The following LRBA variants were observed in gnomAD, a reference collection of about 807,000 sequenced individuals.
LRBA encodes lipopolysaccharide-responsive and beige-like anchor protein.
A neutral mutation model predicts 330.0 loss-of-function variants in LRBA; 176 were observed. The observed-to-expected ratio is 0.53, with a 90% CI of 0.47 to 0.60. LRBA has a LOEUF of 0.60. Ranked by LOEUF, LRBA falls within the 20% of genes least tolerant of loss-of-function variation. The pLI is 0.00. For synonymous variants in LRBA, 1,230 were observed against 1,193.0 expected (o/e 1.03, Z -0.64); for missense variants, 3,259 against 3,444.8 (o/e 0.95, Z 1.35).
chr4:150,277,972 C>G lies in LRBA; in HGVS notation c.8349G>C (p.Leu2783=). The change falls in exon 56 of 57, where the codon CTG becomes CTC. Residue 2783 remains leucine, a synonymous_variant. Transcript: ENST00000651943. The part of the protein sequence containing the change: ...AIQLSRDGQY[L]LTGGDRGVVV... ...CCACTCCTCTGTCTCCTCCTGTGAG[C>G]AGGTACTGCCCATCTCGGCTCAGCT... The G allele has an allele frequency of 6.2e-7, 1 of 1,614,124 alleles. No homozygotes were observed. Among genetic ancestry groups the G allele is most frequent in the African/African-American group, 1.3e-5 (1 of 75,048 alleles).
chr4:150,551,959 G>T (rs1766654257), intron 40 of LRBA, among the ~76,000 whole-genome samples: 1 of 152,018 alleles, frequency 6.6e-6, no homozygotes, highest in Non-Finnish European at 1.5e-5. Context: ...AAGTGGGGTG[G>T]GGGGTAGGAG....
intron 34 of LRBA, among the ~76,000 whole-genome samples, chr4:150,764,769 T>C (rs573467894): frequency 3.1e-4 from 47 of 152,144 alleles, no homozygotes; most frequent in African/African-American, 1.0e-3. Context: ...TGACATCACC[T>C]AATGCAAGGA....
chr4:150,590,628 C>CT, intron 39 of LRBA, 85 bp downstream of exon 39: 1 of 1,207,642 alleles, frequency 8.3e-7, no homozygotes, highest in Non-Finnish European at 1.2e-6. Flanking sequence ...CTTGGTAGTC[C>CT]TAGTGGTCAC....
chr4:150,945,389 T>C (rs1736133993), intron 2 of LRBA, among the ~76,000 whole-genome samples: 1 of 152,192 alleles, frequency 6.6e-6, no homozygotes, highest in Non-Finnish European at 1.5e-5. Flanking sequence ...AAAAAGAATA[T>C]AAATCAATAT....
chr4:150,798,017 C>A (rs188060160), intron 34 of LRBA, 64 bp downstream of exon 34: 3 of 1,052,752 alleles, frequency 2.8e-6, no homozygotes, highest in East Asian at 4.8e-5. Flanking sequence ...AATATAAAAT[C>A]CCCCATGAAA....
In LRBA at chr4:150,630,956, AAC is replaced by A. The variant is rs1297617725; in HGVS notation, c.5922-31827_5922-31826del. ...TGTATTTTAATTAAAACAAATTAGA[AAC>A]AGTGTCATAACCTAGTGTGTCAATG... On this transcript the variant is annotated intron_variant, in intron 37 of 56. Coordinates refer to ENST00000651943, the MANE Select transcript of LRBA (RefSeq NM_001364905.1). Among the ~76,000 whole-genome samples the A allele has an allele frequency of 2.6e-5, 4 of 152,126 alleles. No individual in the cohort carries two copies. The East Asian group carries it at 5.8e-4, about 22-fold the overall frequency.
intron 40 of LRBA, among the ~76,000 whole-genome samples, chr4:150,555,756 A>AACACAC (rs34497958): frequency 0.033 from 4,706 of 144,632 alleles, 221 homozygotes; most frequent in African/African-American, 0.11. Flanking sequence ...GTCTTATAAA[A>AACACAC]ACACACACAC....
At chr4:150,680,244 C>G (rs1010406449) in intron 37 of LRBA, among the ~76,000 whole-genome samples, 5 of 152,144 alleles carry the variant, frequency 3.3e-5, no homozygotes, top group Admixed American at 2.6e-4. Context: ...TTCCTGAAAT[C>G]TCTAAGCATT....
intron 38 of LRBA, among the ~76,000 whole-genome samples, chr4:150,597,799 C>G (rs966232110): frequency 6.6e-6 from 1 of 151,964 alleles, no homozygotes; most frequent in African/African-American, 2.4e-5. Context: ...CAAAAGTGGC[C>G]TAATTAATTC....
chr4:150,624,804 T>C (rs1047486186), intron 37 of LRBA, among the ~76,000 whole-genome samples: 2 of 152,188 alleles, frequency 1.3e-5, no homozygotes, highest in Admixed American at 6.5e-5. Context: ...CATTATATTG[T>C]ACATAAATAT....
intron 17 of LRBA, among the ~76,000 whole-genome samples, chr4:150,874,099 G>GT (rs1753741616): frequency 6.6e-6 from 1 of 152,096 alleles, no homozygotes; most frequent in Non-Finnish European, 1.5e-5. Context: ...AATCACAATA[G>GT]TTTTTTGAGT....
chr4:150,295,152 GGTACA>G (rs1203354796), intron 53 of LRBA, among the ~76,000 whole-genome samples: 1 of 150,568 alleles, frequency 6.6e-6, no homozygotes, highest in African/African-American at 2.5e-5. Context: ...GGGGAGTGAA[GGTACA>G]GTACAGTAAT....
rs76453257 is a variant in LRBA, at chr4:150,292,513, C to T, written c.8018-6479G>A. Reference sequence around the variant, plus strand: ...AAATGAAGCGGGATTAAACATTTTCCTATTCCTAGTTTTGTACAACTAAAA... The same window carrying T: ...AAATGAAGCGGGATTAAACATTTTCTTATTCCTAGTTTTGTACAACTAAAA... On this transcript the variant is annotated intron_variant, in intron 53 of 56. Transcript: ENST00000651943. Among the ~76,000 whole-genome samples the T allele has an allele frequency of 4.2e-3, 637 of 152,270 alleles. 4 individuals are homozygous for T. Among genetic ancestry groups the T allele is most frequent in the African/African-American group, 0.014 (584 of 41,562 alleles).
chr4:150,308,690 C>A (rs1485963523), intron 52 of LRBA, among the ~76,000 whole-genome samples: 1 of 152,028 alleles, frequency 6.6e-6, no homozygotes, highest in Non-Finnish European at 1.5e-5. Context: ...ATGATCCTGA[C>A]CCTATGGAGG....
intron 38 of LRBA, among the ~76,000 whole-genome samples, chr4:150,592,144 G>GTTTTTTGTTTTTTTTTTTTTT (rs1772933969): frequency 1.5e-5 from 1 of 65,166 alleles, no homozygotes; most frequent in Admixed American, 2.4e-4. Context: ...GATGGCTAGG[G>GTTTTTTGTTTTTTTTTTTTTT]TTTTTTTTTT....
intron 5 of LRBA, 60 bp from the exon 6 acceptor site, chr4:150,916,798 G>A (rs1226580490): frequency 1.5e-6 from 2 of 1,328,072 alleles, no homozygotes; most frequent in Non-Finnish European, 2.0e-6. Flanking sequence ...TTAAAATCAT[G>A]AAAATAAGAC....
intron 36 of LRBA, among the ~76,000 whole-genome samples, chr4:150,693,526 T>G: frequency 8.2e-6 from 1 of 121,242 alleles, no homozygotes; most frequent in South Asian, 2.6e-4. Flanking sequence ...ATCCCGCCAC[T>G]GCACTCCAGC....
chr4:150,980,659 G>A (rs1740729264), intron 2 of LRBA, among the ~76,000 whole-genome samples: 1 of 152,046 alleles, frequency 6.6e-6, no homozygotes, highest in Non-Finnish European at 1.5e-5. Flanking sequence ...GAAGGGGAAG[G>A]GGAAGGGGAA....
rs780503826 is a variant in LRBA at position 150,852,678 on chromosome 4, G to A, written c.3032C>T (p.Thr1011Ile). Residue 1011 changes from threonine (T) to isoleucine (I), a missense_variant, in exon 23 of 57, where the codon ACT becomes ATT. By Grantham distance (89) the Thr-to-Ile change is moderately conservative. Coordinates refer to ENST00000651943, the MANE Select transcript of LRBA (RefSeq NM_001364905.1). ...LESASNIELQ[T>I]TNTSYEEMKA... ...CATTTCTTCATAAGATGTATTAGTA[G>A]TTTGCAGTTCAATATTAGATGCAGA... 1.2e-6 allele frequency: 2 copies of A among 1,614,052 alleles called. No individual in the cohort carries two copies. The highest frequency in any genetic ancestry group is 1.7e-6 in the Non-Finnish European group (2 of 1,179,974).
Sources: gnomAD v4.1 joint callset for allele counts (sites outside exome capture counted in the v4.1 genomes callset) on GRCh38, gnomAD v4.1.1 for gene constraint, MANE v1.5 for transcripts, NCBI Gene and HGNC (gene_info 2026-07-23, HGNC 2026-07-21) for gene names.